The following DLGAP2 variants were observed in gnomAD, a reference collection of about 807,000 sequenced individuals.
DLGAP2 encodes disks large-associated protein 2.
A neutral mutation model predicts 100.3 loss-of-function variants in DLGAP2; 26 were observed. The observed-to-expected ratio is 0.26, with a 90% confidence interval of 0.19 to 0.36. DLGAP2 has a LOEUF of 0.36. Among genes scored for constraint, DLGAP2 ranks in the 10% least tolerant of loss-of-function variants. The pLI, the probability that DLGAP2 is intolerant of heterozygous loss-of-function variation, is 1.00. For missense variants in DLGAP2, 1,858 were observed against 1,453.2 expected (o/e 1.28, Z -4.53); for synonymous variants, 886 against 630.1 (o/e 1.41, Z -6.08).
At position 1,678,373 on chromosome 8, in the gene DLGAP2, C is replaced by T. The variant is rs763200357; in HGVS notation, c.2448C>T (p.Ser816=). 2.0e-5 allele frequency: 32 copies of T among 1,613,896 alleles called. No homozygotes were observed. The highest frequency in any genetic ancestry group is 1.6e-4 in the Middle Eastern group (1 of 6,084). ...HSEPSTPTQY[S]AVRTVRTQGL... ...AGCCCAGCACCCCCACCCAGTACAG[C>T]GCGGTGAGAACTGTACGGACCCAGG... The change falls in exon 12 of 15, where the codon AGC becomes AGT. Residue 816 remains serine (S), a synonymous_variant. Coordinates refer to ENST00000637795, the MANE Select transcript of DLGAP2 (RefSeq NM_001346810.2).
intron 3 of DLGAP2, among the ~76,000 whole-genome samples, chr8:1,387,081 G>T (rs1796238083): frequency 6.6e-6 from 1 of 152,116 alleles, no homozygotes. Context: ...ATGTATTGCG[G>T]GTGTGGTCGA....
intron 1 of DLGAP2, among the ~76,000 whole-genome samples, chr8:777,872 G>A (rs117209596): frequency 0.13 from 20,320 of 151,992 alleles, 1,774 homozygotes; most frequent in East Asian, 0.46. Flanking sequence ...GCGTCTCTGT[G>A]TTTCCTGAAT....
At chr8:1,320,516 G>A (rs1410242698) in intron 3 of DLGAP2, among the ~76,000 whole-genome samples, 1 of 152,148 alleles carries the variant, frequency 6.6e-6, no homozygotes, top group Non-Finnish European at 1.5e-5. Flanking sequence ...CAACATACGG[G>A]CACAGAGCCG....
At chr8:866,416 G>A (rs1797499545) in intron 1 of DLGAP2, among the ~76,000 whole-genome samples, 1 of 152,216 alleles carries the variant, frequency 6.6e-6, no homozygotes, top group African/African-American at 2.4e-5. Flanking sequence ...CCATGTCTCT[G>A]GGTCCAGGGC....
At chr8:1,622,779 A>C (rs1482622559) in intron 6 of DLGAP2, among the ~76,000 whole-genome samples, 2 of 152,214 alleles carry the variant, frequency 1.3e-5, no homozygotes, top group Non-Finnish European at 2.9e-5. Flanking sequence ...CATTTCTGAC[A>C]CCTGGGATGC....
chr8:1,220,004 T>C (rs1798285929), intron 2 of DLGAP2, among the ~76,000 whole-genome samples: 1 of 152,288 alleles, frequency 6.6e-6, no homozygotes, highest in African/African-American at 2.4e-5. Flanking sequence ...CTTCTCTCTG[T>C]TTAAACTTAA....
intron 4 of DLGAP2, among the ~76,000 whole-genome samples, chr8:1,522,522 G>A (rs1228501858): frequency 2.0e-5 from 3 of 152,180 alleles, no homozygotes; most frequent in African/African-American, 7.2e-5. Context: ...CGGGAAGCTG[G>A]GCCCCCGGCC....
intron 3 of DLGAP2, among the ~76,000 whole-genome samples, chr8:1,387,646 C>G (rs1324128134): frequency 6.6e-6 from 1 of 152,164 alleles, no homozygotes; most frequent in Non-Finnish European, 1.5e-5. Context: ...TGTTTGACTT[C>G]AAAGTGTGGA....
At chr8:943,377 C>T (rs867855118) in intron 2 of DLGAP2, among the ~76,000 whole-genome samples, 4 of 152,174 alleles carry the variant, frequency 2.6e-5, no homozygotes, top group Admixed American at 6.5e-5. Flanking sequence ...TTTTATGCAC[C>T]GGACACTTTG....
intron 2 of DLGAP2, among the ~76,000 whole-genome samples, chr8:1,153,765 T>C (rs1265851358): frequency 1.3e-5 from 2 of 152,198 alleles, no homozygotes; most frequent in Non-Finnish European, 2.9e-5. Context: ...TTTGCAGTCA[T>C]AACTGTTAGG....
chr8:1,358,103 T>C (rs1262780482), intron 3 of DLGAP2, among the ~76,000 whole-genome samples: 1 of 151,992 alleles, frequency 6.6e-6, no homozygotes, highest in East Asian at 1.9e-4. Context: ...CAGGAGGAAG[T>C]TGGGTAGAAG....
intron 3 of DLGAP2, among the ~76,000 whole-genome samples, chr8:1,332,400 C>A (rs1277298920): frequency 7.2e-5 from 11 of 151,866 alleles, no homozygotes; most frequent in Admixed American, 7.2e-4. Context: ...TGTGTGTCTG[C>A]ATGTGTGAGT....
chr8:858,787 A>T (rs1392457610), intron 1 of DLGAP2, among the ~76,000 whole-genome samples: 2 of 152,116 alleles, frequency 1.3e-5, no homozygotes, highest in Admixed American at 6.6e-5. Context: ...CCGTGGGCAT[A>T]TATGAGATGC....
chr8:903,647 G>C (rs907987726), intron 1 of DLGAP2, among the ~76,000 whole-genome samples: 10 of 152,138 alleles, frequency 6.6e-5, no homozygotes, highest in Non-Finnish European at 1.5e-4. Context: ...CAAGAGCTTA[G>C]TGACTTGGTG....
At chr8:1,089,966 G>A (rs993505459) in intron 2 of DLGAP2, among the ~76,000 whole-genome samples, 3 of 152,168 alleles carry the variant, frequency 2.0e-5, no homozygotes, top group African/African-American at 4.8e-5. Flanking sequence ...TGACTTGGGG[G>A]GCTGTGGAAA....
At chr8:750,915 A>G (rs1370949464) in intron 1 of DLGAP2, among the ~76,000 whole-genome samples, 1 of 152,242 alleles carries the variant, frequency 6.6e-6, no homozygotes, top group African/African-American at 2.4e-5. Flanking sequence ...AATATTTGTC[A>G]CTGGGCCCCG....
intron 4 of DLGAP2, among the ~76,000 whole-genome samples, chr8:1,526,915 G>A (rs575532111): frequency 1.3e-5 from 2 of 152,244 alleles, no homozygotes; most frequent in Admixed American, 6.5e-5. Flanking sequence ...TTGGAGAGGA[G>A]AGGGCAGGGC....
intron 12 of DLGAP2, among the ~76,000 whole-genome samples, chr8:1,690,397 C>T (rs1336336221): frequency 1.3e-5 from 2 of 151,228 alleles, no homozygotes; most frequent in Non-Finnish European, 2.9e-5. Context: ...CACACACATA[C>T]AGTATATTCT....
At position 1,701,468 on chromosome 8, in the gene DLGAP2, C is replaced by T. The variant is rs1799568480; in HGVS notation, c.*62C>T. ...TTTCCCGGACGCTTGTGCAGCGCGGCGCCGCCCTGGTGGTTTCTGTCTCCT... is the reference window on the plus strand; with the variant it reads ...TTTCCCGGACGCTTGTGCAGCGCGGTGCCGCCCTGGTGGTTTCTGTCTCCT... On this transcript the variant is annotated 3_prime_UTR_variant, in exon 15 of 15. Coordinates refer to ENST00000637795, the MANE Select transcript of DLGAP2 (RefSeq NM_001346810.2). 3 of 1,491,130 alleles carry T rather than the reference C, an allele frequency of 2.0e-6. No homozygotes were observed. Among genetic ancestry groups the T allele is most frequent in the Non-Finnish European group, 1.8e-6 (2 of 1,110,558 alleles). The allele number at this position is 1,491,130 out of a possible 1,614,324, so 92.4% of individuals were successfully genotyped here.
Sources: gnomAD v4.1 joint callset for allele counts (sites outside exome capture counted in the v4.1 genomes callset) on GRCh38, gnomAD v4.1.1 for gene constraint, MANE v1.5 for transcripts, NCBI Gene and HGNC (gene_info 2026-07-23, HGNC 2026-07-21) for gene names.